Variants in TRPC4 observed in about 807,000 individuals in gnomAD.
TRPC4 encodes the protein short transient receptor potential channel 4.
In TRPC4, 49 loss-of-function variants were observed where a neutral mutation model predicts 99.4. The observed-to-expected ratio is 0.49, with a 90% CI of 0.39 to 0.63. The LOEUF (loss-of-function observed/expected upper bound fraction) is 0.63, where lower values mean the gene tolerates loss of function less well. Ranked by LOEUF, TRPC4 falls within the 20% of genes least tolerant of loss-of-function variation. The probability of loss-of-function intolerance (pLI) is 0.00; values close to 1 mark genes in which losing one functional copy is unlikely to be tolerated. For missense variants in TRPC4, 898 were observed against 1,152.9 expected, an observed-to-expected ratio of 0.78 and a Z score of 3.20; for synonymous variants, 454 against 425.9, an observed-to-expected ratio of 1.07 and a Z score of -0.81.
chr13:37,658,488 A>G (rs1404494501), intron 6 of TRPC4, among the ~76,000 whole-genome samples: 2 of 152,222 alleles, frequency 1.3e-5, no homozygotes, highest in African/African-American at 4.8e-5. Flanking sequence ...GAGCAAACAT[A>G]AATTAATAAA....
intron 4 of TRPC4, among the ~76,000 whole-genome samples, chr13:37,674,954 T>C (rs1287965607): frequency 6.6e-6 from 1 of 152,218 alleles, no homozygotes; most frequent in Non-Finnish European, 1.5e-5. Flanking sequence ...ATTTTCAAAT[T>C]CTATGAAGTA....
intron 5 of TRPC4, among the ~76,000 whole-genome samples, chr13:37,671,555 G>T (rs1952841119): frequency 6.9e-6 from 1 of 144,824 alleles, no homozygotes; most frequent in Admixed American, 7.3e-5. Flanking sequence ...TAGTACATGA[G>T]AAAGAAAGCA....
intron 3 of TRPC4, among the ~76,000 whole-genome samples, chr13:37,714,954 T>C (rs1306350214): frequency 6.6e-6 from 1 of 152,194 alleles, no homozygotes; most frequent in Non-Finnish European, 1.5e-5. Context: ...GCCTAACAAT[T>C]CCTAATACGT....
At chr13:37,650,321 C>G (rs1951998209) in intron 8 of TRPC4, among the ~76,000 whole-genome samples, 2 of 152,226 alleles carry the variant, frequency 1.3e-5, no homozygotes, top group African/African-American at 4.8e-5. Flanking sequence ...ATCCAAGTGA[C>G]TAATGAATAT....
chr13:37,674,453 G>C (rs908625826), intron 4 of TRPC4, 86 bp from the exon 5 acceptor site: 13 of 1,418,668 alleles, frequency 9.2e-6, no homozygotes, highest in Admixed American at 4.8e-5. Flanking sequence ...TATAGATCTC[G>C]AAGCTACAAG....
chr13:37,851,934 G>A (rs1431789499), intron 1 of TRPC4, among the ~76,000 whole-genome samples: 4 of 152,230 alleles, frequency 2.6e-5, no homozygotes, highest in South Asian at 2.1e-4. Context: ...CACAGAGGGA[G>A]CATTTGAACT....
Position 37,750,502 on chromosome 13 carries a change from T to C in TRPC4, c.379-4047A>G, listed in dbSNP as rs980146647. ...AATTTTGTCTAATGCCTTTTCTGTT[T>C]CAATGGATATAATCATATAATTATC... On this transcript the variant is annotated intron_variant, in intron 2 of 10. Coordinates refer to ENST00000379705, the MANE Select transcript of TRPC4 (RefSeq NM_016179.4). Among the ~76,000 whole-genome samples, 25 of 152,140 alleles carry C rather than the reference T, an allele frequency of 1.6e-4. 1 individual carries two copies.
At chr13:37,670,694 A>G (rs115843970) in intron 5 of TRPC4, among the ~76,000 whole-genome samples, 1,684 of 152,332 alleles carry the variant, frequency 0.011, 24 homozygotes, top group African/African-American at 0.038. Context: ...TTCCCTGCAT[A>G]AATGACCTAA....
chr13:37,750,766 T>C (rs1250029099), intron 2 of TRPC4, among the ~76,000 whole-genome samples: 7 of 152,022 alleles, frequency 4.6e-5, no homozygotes, highest in Non-Finnish European at 8.8e-5. Flanking sequence ...GTCATCTACA[T>C]TAAGTATTTT....
intron 3 of TRPC4, among the ~76,000 whole-genome samples, chr13:37,697,936 A>C (rs1953968230): frequency 6.6e-6 from 1 of 151,672 alleles, no homozygotes; most frequent in Non-Finnish European, 1.5e-5. Context: ...TGACCTTGAA[A>C]CTCTGGGAAT....
At position 37,824,978 on chromosome 13, in the gene TRPC4, A is replaced by C. The variant is rs1218715501; in HGVS notation, c.-27-41618T>G. On this transcript the variant is annotated intron_variant, in intron 1 of 10. Coordinates refer to ENST00000379705, the MANE Select transcript of TRPC4 (RefSeq NM_016179.4). Reference sequence around the variant, plus strand: ...TGTTATTGGTCTATTCAGAGATTCAACTTCTTCCTGGTTTAGTCTTGGGAG... The same window carrying C: ...TGTTATTGGTCTATTCAGAGATTCACCTTCTTCCTGGTTTAGTCTTGGGAG... 1.7e-4 allele frequency among the ~76,000 whole-genome samples: 26 copies of C among 152,096 alleles called. No homozygotes were observed. The East Asian group carries it at 4.5e-3, about 26-fold the overall frequency.
At chr13:37,863,259 C>T (rs901296285) in intron 1 of TRPC4, among the ~76,000 whole-genome samples, 4 of 151,518 alleles carry the variant, frequency 2.6e-5, no homozygotes, top group Non-Finnish European at 4.4e-5. Flanking sequence ...AGATGATCTT[C>T]CAAGTCATTC....
At chr13:37,842,494 T>C (rs559021654) in intron 1 of TRPC4, among the ~76,000 whole-genome samples, 2 of 151,972 alleles carry the variant, frequency 1.3e-5, no homozygotes, top group East Asian at 1.9e-4. Context: ...TGTATTGAAA[T>C]AGGTACTATA....
intron 1 of TRPC4, among the ~76,000 whole-genome samples, chr13:37,787,906 A>G (rs1957011514): frequency 6.6e-6 from 1 of 152,028 alleles, no homozygotes; most frequent in South Asian, 2.1e-4. Context: ...TTTCCTTTTA[A>G]TTTTATTTTC....
At chr13:37,774,403 T>C (rs977458532) in intron 2 of TRPC4, among the ~76,000 whole-genome samples, 61 of 151,816 alleles carry the variant, frequency 4.0e-4, no homozygotes, top group Admixed American at 3.0e-3. Context: ...TAGAAATTGA[T>C]TAAAAAACGA....
intron 5 of TRPC4, 43 bp from the exon 6 acceptor site, chr13:37,663,772 C>A (rs367604393): frequency 6.6e-7 from 1 of 1,512,540 alleles, no homozygotes; most frequent in Non-Finnish European, 9.0e-7. Context: ...AACAAACACA[C>A]GCATATAAAT....
intron 2 of TRPC4, among the ~76,000 whole-genome samples, chr13:37,780,816 A>T (rs907059760): frequency 6.6e-6 from 1 of 152,050 alleles, no homozygotes; most frequent in Non-Finnish European, 1.5e-5. Context: ...TCAAAATTAT[A>T]AAGTTCAAAC....
intron 2 of TRPC4, among the ~76,000 whole-genome samples, chr13:37,759,417 G>A (rs1013211088): frequency 6.6e-6 from 1 of 151,754 alleles, no homozygotes; most frequent in Admixed American, 6.6e-5. Flanking sequence ...CAATTCTTGA[G>A]TGGAATGGCC....
chr13:37,746,441 G>C lies in TRPC4; in HGVS notation c.393C>G (p.Leu131=). The change falls in exon 3 of 11, where the codon CTC becomes CTG. Residue 131 remains leucine, a synonymous_variant. Coordinates refer to ENST00000379705, the MANE Select transcript of TRPC4 (RefSeq NM_016179.4). Reference sequence around the variant, plus strand: ...TGAATTCAGAGAACTGCTTATCAAGGAGTATAGGAGGCACCTAAAAAAAAA... The same window carrying C: ...TGAATTCAGAGAACTGCTTATCAAGCAGTATAGGAGGCACCTAAAAAAAAA... ...PSGEKQVPPI[L]LDKQFSEFTP... is the part of the protein sequence containing the mutation. The C allele has an allele frequency of 1.3e-6, 2 of 1,553,404 alleles. No homozygotes were observed. Among genetic ancestry groups the C allele is most frequent in the Non-Finnish European group, 1.7e-6 (2 of 1,160,634 alleles).
Sources: gnomAD v4.1 joint callset for allele counts (sites outside exome capture counted in the v4.1 genomes callset) on GRCh38, gnomAD v4.1.1 for gene constraint, MANE v1.5 for transcripts, NCBI Gene and HGNC (gene_info 2026-07-23, HGNC 2026-07-21) for gene names.